Variants in STXBP5L observed in about 807,000 individuals in gnomAD.
STXBP5L encodes the protein syntaxin binding protein 5L, also known as syntaxin-binding protein 5-like.
In STXBP5L, 65 loss-of-function variants were observed where a neutral mutation model predicts 144.5. The observed-to-expected ratio is 0.45, with a 90% confidence interval of 0.37 to 0.55. STXBP5L has a LOEUF of 0.55. Ranked by LOEUF, STXBP5L falls within the 20% of genes least tolerant of loss-of-function variation. The probability of loss-of-function intolerance (pLI) is 0.00; values close to 1 mark genes in which losing one functional copy is unlikely to be tolerated. For missense variants in STXBP5L, 1,298 were observed against 1,405.5 expected, an observed-to-expected ratio of 0.92 and a Z score of 1.22; for synonymous variants, 505 against 469.6, an observed-to-expected ratio of 1.08 and a Z score of -0.97.
At chr3:121,191,483 G>A (rs2047680704) in intron 9 of STXBP5L, among the ~76,000 whole-genome samples, 1 of 152,230 alleles carries the variant, frequency 6.6e-6, no homozygotes, top group South Asian at 2.1e-4. Context: ...AGTCGAGATA[G>A]CTGCAATACA....
chr3:121,192,491 C>G (rs1288059310), intron 9 of STXBP5L, among the ~76,000 whole-genome samples: 3 of 151,950 alleles, frequency 2.0e-5, no homozygotes, highest in African/African-American at 7.3e-5. Flanking sequence ...CATATGGAAC[C>G]AAAAAAGAGC....
chr3:121,397,352 A>AT (rs2046756586), intron 22 of STXBP5L, among the ~76,000 whole-genome samples: 1 of 152,136 alleles, frequency 6.6e-6, no homozygotes, highest in South Asian at 2.1e-4. Flanking sequence ...CATTTACCTG[A>AT]TTTTTTCTTA....
At chr3:121,332,058 C>A (rs1272765557) in intron 20 of STXBP5L, among the ~76,000 whole-genome samples, 1 of 134,566 alleles carries the variant, frequency 7.4e-6, no homozygotes, top group African/African-American at 2.7e-5. Flanking sequence ...AAAGTCACAA[C>A]TTTAAGAGAC....
chr3:120,913,017 C>A (rs1708925210), intron 2 of STXBP5L, among the ~76,000 whole-genome samples: 1 of 151,982 alleles, frequency 6.6e-6, no homozygotes, highest in Admixed American at 6.6e-5. Context: ...TCAAACATCA[C>A]CTCTATGAGA....
At chr3:121,111,071 G>GT (rs1164964920) in intron 5 of STXBP5L, among the ~76,000 whole-genome samples, 1 of 152,130 alleles carries the variant, frequency 6.6e-6, no homozygotes, top group African/African-American at 2.4e-5. Flanking sequence ...CTCATGTTGT[G>GT]TTTTTCAGCT....
intron 5 of STXBP5L, among the ~76,000 whole-genome samples, chr3:121,098,435 G>A (rs529855823): frequency 6.6e-6 from 1 of 152,128 alleles, no homozygotes; most frequent in Non-Finnish European, 1.5e-5. Flanking sequence ...CCTCATTATC[G>A]TGAAGACAGT....
intron 8 of STXBP5L, among the ~76,000 whole-genome samples, chr3:121,154,214 A>G (rs1364378535): frequency 6.6e-6 from 1 of 151,850 alleles, no homozygotes; most frequent in Non-Finnish European, 1.5e-5. Flanking sequence ...TAAATATATC[A>G]TCTTTATCTA....
chr3:121,366,915 A>G (rs994078091), intron 20 of STXBP5L, among the ~76,000 whole-genome samples: 5 of 152,004 alleles, frequency 3.3e-5, no homozygotes, highest in Admixed American at 2.0e-4. Context: ...GGTATATTTT[A>G]TAGCTAATTT....
At chr3:121,199,076 G>A (rs2048034576) in intron 9 of STXBP5L, among the ~76,000 whole-genome samples, 1 of 152,164 alleles carries the variant, frequency 6.6e-6, no homozygotes, top group South Asian at 2.1e-4. Context: ...ACTTTGAACA[G>A]TATGGCCATT....
At chr3:121,327,359 T>C (rs2044181823) in intron 20 of STXBP5L, among the ~76,000 whole-genome samples, 1 of 152,198 alleles carries the variant, frequency 6.6e-6, no homozygotes, top group Non-Finnish European at 1.5e-5. Context: ...TAATTGAACA[T>C]AAATTTGGAA....
chr3:121,006,819 G>T (rs1260563606), intron 3 of STXBP5L, among the ~76,000 whole-genome samples: 1 of 152,086 alleles, frequency 6.6e-6, no homozygotes, highest in African/African-American at 2.4e-5. Flanking sequence ...GGCTTAGTTT[G>T]GCTGTATATG....
intron 3 of STXBP5L, among the ~76,000 whole-genome samples, chr3:121,009,463 T>G (rs1479308026): frequency 6.6e-6 from 1 of 152,034 alleles, no homozygotes; most frequent in African/African-American, 2.4e-5. Flanking sequence ...GGATCCTTGC[T>G]CAGTGGGAGG....
chr3:121,291,999 G>A (rs2051457118), intron 19 of STXBP5L, among the ~76,000 whole-genome samples: 1 of 152,138 alleles, frequency 6.6e-6, no homozygotes, highest in Non-Finnish European at 1.5e-5. Flanking sequence ...CTTAAACATA[G>A]ACTTTATGAC....
intron 3 of STXBP5L, among the ~76,000 whole-genome samples, chr3:120,958,018 A>G (rs1938247078): frequency 6.6e-6 from 1 of 152,194 alleles, no homozygotes; most frequent in African/African-American, 2.4e-5. Flanking sequence ...TAGCAAGACT[A>G]ATAAAGAAGA....
chr3:120,915,218 T>C (rs1204399380), intron 2 of STXBP5L, among the ~76,000 whole-genome samples: 4 of 152,132 alleles, frequency 2.6e-5, no homozygotes, highest in African/African-American at 9.7e-5. Flanking sequence ...TGTTTTTCTG[T>C]AGGAGTATTA....
chr3:121,144,952 T>C (rs1405223426), intron 7 of STXBP5L, among the ~76,000 whole-genome samples: 1 of 151,876 alleles, frequency 6.6e-6, no homozygotes, highest in Admixed American at 6.6e-5. Flanking sequence ...GTATCTAAAA[T>C]AGTCATATAT....
chr3:121,349,792 T>G (rs1206816032), intron 20 of STXBP5L, among the ~76,000 whole-genome samples: 16 of 152,258 alleles, frequency 1.1e-4, no homozygotes, highest in Non-Finnish European at 1.5e-4. Context: ...CTGCCTTTTT[T>G]TTGTTTTCCA....
intron 5 of STXBP5L, among the ~76,000 whole-genome samples, chr3:121,097,020 C>G (rs1419766176): frequency 6.6e-6 from 1 of 152,184 alleles, no homozygotes; most frequent in Non-Finnish European, 1.5e-5. Flanking sequence ...GGGCTGCTGC[C>G]TTTTTTTCAG....
intron 3 of STXBP5L, among the ~76,000 whole-genome samples, chr3:120,972,411 A>G (rs897626480): frequency 3.3e-5 from 5 of 152,080 alleles, no homozygotes; most frequent in Admixed American, 3.3e-4. Context: ...TTTTTATACA[A>G]TGATTTTTAT....
Sources: gnomAD v4.1 joint callset for allele counts (sites outside exome capture counted in the v4.1 genomes callset) on GRCh38, gnomAD v4.1.1 for gene constraint, MANE v1.5 for transcripts, NCBI Gene and HGNC (gene_info 2026-07-23, HGNC 2026-07-21) for gene names.